FARS2: variants seen among roughly 807,000 people sequenced by gnomAD.
FARS2 encodes phenylalanine--tRNA ligase, mitochondrial.
A neutral mutation model predicts 46.4 loss-of-function variants in FARS2; 40 were observed. The observed-to-expected ratio is 0.86, with a 90% confidence interval of 0.67 to 1.12. The LOEUF (loss-of-function observed/expected upper bound fraction) is 1.12, where lower values mean the gene tolerates loss of function less well. Among genes scored for constraint, FARS2 ranks in the 50% most tolerant of loss-of-function variants. The pLI is 0.00. For missense variants in FARS2, 513 were observed against 567.9 expected (o/e 0.90, Z 0.98); for synonymous variants, 234 against 214.9 (o/e 1.09, Z -0.78).
chr6:5,439,966 T>A (rs1763749873), intron 4 of FARS2, among the ~76,000 whole-genome samples: 1 of 152,184 alleles, frequency 6.6e-6, no homozygotes, highest in South Asian at 2.1e-4. Flanking sequence ...AGGTTTTGCC[T>A]CAAGTTCCTC....
At chr6:5,293,140 A>T (rs1422152738) in intron 1 of FARS2, among the ~76,000 whole-genome samples, 1 of 152,174 alleles carries the variant, frequency 6.6e-6, no homozygotes, top group East Asian at 1.9e-4. Flanking sequence ...CTGGGTTGAG[A>T]GGTGAGAGGT....
chr6:5,720,921 C>T (rs909666549), intron 6 of FARS2, among the ~76,000 whole-genome samples: 19 of 152,082 alleles, frequency 1.2e-4, no homozygotes, highest in African/African-American at 4.6e-4. Flanking sequence ...TGCTAGGTAG[C>T]ACATGCCTGT....
chr6:5,612,224 A>C (rs1328877414), intron 5 of FARS2, among the ~76,000 whole-genome samples: 1 of 152,224 alleles, frequency 6.6e-6, no homozygotes, highest in Non-Finnish European at 1.5e-5. Context: ...ATACTTTGCC[A>C]TTTAAAAGCT....
At chr6:5,734,248 G>C (rs1305079796) in intron 6 of FARS2, among the ~76,000 whole-genome samples, 1 of 152,182 alleles carries the variant, frequency 6.6e-6, no homozygotes, top group Admixed American at 6.5e-5. Context: ...CCAGCACTGG[G>C]GGTCTGACCA....
At chr6:5,331,974 G>A (rs1424273437) in intron 1 of FARS2, among the ~76,000 whole-genome samples, 1 of 152,168 alleles carries the variant, frequency 6.6e-6, no homozygotes, top group Non-Finnish European at 1.5e-5. Context: ...CCATGGCACA[G>A]CTGCTCTAGT....
chr6:5,610,291 A>T, intron 5 of FARS2: 1 of 402,574 alleles, frequency 2.5e-6, no homozygotes, highest in Non-Finnish European at 4.4e-6. Context: ...TGTAGTTTTG[A>T]TGCCCTTTTC....
chr6:5,750,347 C>T (rs146983597), intron 6 of FARS2, among the ~76,000 whole-genome samples: 13 of 152,120 alleles, frequency 8.5e-5, no homozygotes, highest in Non-Finnish European at 1.3e-4. Context: ...TCTCCTCGGA[C>T]GCAGACCCAG....
chr6:5,451,789 G>A (rs1764506171), intron 4 of FARS2: 1 of 152,210 alleles, frequency 6.6e-6, no homozygotes, highest in Admixed American at 6.5e-5. Flanking sequence ...GTAACAATCA[G>A]CTGGTATTAG....
chr6:5,415,904 A>G (rs1268890228), intron 3 of FARS2, among the ~76,000 whole-genome samples: 1 of 151,926 alleles, frequency 6.6e-6, no homozygotes, highest in African/African-American at 2.4e-5. Context: ...ATGGGGTCTC[A>G]CTATATTGTC....
At position 5,533,437 on chromosome 6, in the gene FARS2, A is replaced by T. The variant is rs1019802617; in HGVS notation, c.905-11743A>T. 3.3e-5 allele frequency among the ~76,000 whole-genome samples: 5 copies of T among 152,324 alleles called. No individual in the cohort carries two copies. In the East Asian group the frequency reaches 7.7e-4, roughly 23 times the overall value. On this transcript the variant is annotated intron_variant, in intron 4 of 6. Transcript: ENST00000274680. ...CCATTTAAATTAAGTAAGTAAACTA[A>T]AAAGTGGGAAAATCTTGAAACCTTT...
At chr6:5,335,903 C>G (rs1330234060) in intron 1 of FARS2, among the ~76,000 whole-genome samples, 1 of 152,122 alleles carries the variant, frequency 6.6e-6, no homozygotes, top group African/African-American at 2.4e-5. Context: ...GCTTTTAATT[C>G]CGTTCTTTTT....
upstream of FARS2, chr6:5,260,907 C>A (rs575062514): frequency 5.1e-6 from 7 of 1,379,286 alleles, no homozygotes; most frequent in East Asian, 1.8e-4. Context: ...GCGGACGGCG[C>A]CAGGCGTCCC....
chr6:5,756,872 AC>A (rs1762234862), intron 6 of FARS2, among the ~76,000 whole-genome samples: 1 of 152,222 alleles, frequency 6.6e-6, no homozygotes, highest in East Asian at 1.9e-4. Context: ...TGTTTCAGCC[AC>A]CTGTCCAAAA....
intron 6 of FARS2, among the ~76,000 whole-genome samples, chr6:5,631,507 A>G (rs558390508): frequency 6.6e-6 from 1 of 152,302 alleles, no homozygotes; most frequent in East Asian, 1.9e-4. Context: ...AGCTGTTTCA[A>G]GTGCTTCTCA....
chr6:5,364,790 T>C (rs530019344), intron 1 of FARS2, among the ~76,000 whole-genome samples: 1 of 152,334 alleles, frequency 6.6e-6, no homozygotes, highest in South Asian at 2.1e-4. Context: ...CCCAGCACTT[T>C]GGGAGGCTGA....
At chr6:5,712,860 C>A (rs1281332615) in intron 6 of FARS2, among the ~76,000 whole-genome samples, 2 of 152,224 alleles carry the variant, frequency 1.3e-5, no homozygotes, top group African/African-American at 2.4e-5. Flanking sequence ...CACAGAGGAA[C>A]CTGTTACGAA....
intron 5 of FARS2, among the ~76,000 whole-genome samples, chr6:5,560,506 G>A (rs1256888581): frequency 6.6e-6 from 1 of 152,048 alleles, no homozygotes; most frequent in Admixed American, 6.5e-5. Context: ...GTTCAGGGGT[G>A]AACTAGGCCT....
At chr6:5,759,739 G>A (rs1000688041) in intron 6 of FARS2, among the ~76,000 whole-genome samples, 3 of 152,108 alleles carry the variant, frequency 2.0e-5, no homozygotes, top group Non-Finnish European at 4.4e-5. Flanking sequence ...GGCGAGTGAG[G>A]AGAAACACAG....
chr6:5,719,576 C>T (rs557561009), intron 6 of FARS2, among the ~76,000 whole-genome samples: 1 of 152,120 alleles, frequency 6.6e-6, no homozygotes, highest in African/African-American at 2.4e-5. Flanking sequence ...AAGGCAGTTG[C>T]GAGGGCACAA....
Sources: gnomAD v4.1 joint callset for allele counts (sites outside exome capture counted in the v4.1 genomes callset) on GRCh38, gnomAD v4.1.1 for gene constraint, MANE v1.5 for transcripts, NCBI Gene and HGNC (gene_info 2026-07-23, HGNC 2026-07-21) for gene names.